The following KCTD8 variants were observed in gnomAD, a reference collection of about 807,000 sequenced individuals.
The protein encoded by KCTD8 is potassium channel tetramerization domain containing 8, also known as BTB/POZ domain-containing protein KCTD8.
KCTD8 carries 27 observed loss-of-function variants against 31.5 expected under a neutral mutation model. The ratio of observed to expected loss-of-function variants is 0.86; its 90% CI spans 0.63 to 1.18. KCTD8 has a LOEUF of 1.18. Ranked by LOEUF, KCTD8 falls within the 50% of genes most tolerant of loss-of-function variation. KCTD8 has a pLI of 0.00. For missense variants in KCTD8, 658 were observed against 647.7 expected (o/e 1.02, Z -0.17); for synonymous variants, 290 against 280.0 (o/e 1.04, Z -0.36).
intron 1 of KCTD8, among the ~76,000 whole-genome samples, chr4:44,266,889 T>C (rs1716388323): frequency 2.6e-5 from 4 of 151,518 alleles, no homozygotes; most frequent in Admixed American, 2.6e-4. Context: ...CCCAGATTCA[T>C]AAAGCAAGTC....
chr4:44,254,488 G>T (rs1715936908), intron 1 of KCTD8, among the ~76,000 whole-genome samples: 1 of 151,854 alleles, frequency 6.6e-6, no homozygotes. Flanking sequence ...CTTGACCAAA[G>T]GTCTTTGCTG....
intron 1 of KCTD8, among the ~76,000 whole-genome samples, chr4:44,280,092 A>T (rs1716863082): frequency 6.6e-6 from 1 of 152,076 alleles, no homozygotes; most frequent in Admixed American, 6.6e-5. Flanking sequence ...AATTTATATA[A>T]TTCCTAATCT....
intron 1 of KCTD8, among the ~76,000 whole-genome samples, chr4:44,216,934 A>T (rs75109833): frequency 0.031 from 4,666 of 152,324 alleles, 243 homozygotes; most frequent in African/African-American, 0.11. Flanking sequence ...CTTGGTCTAA[A>T]GATAAAGTGA....
intron 1 of KCTD8, among the ~76,000 whole-genome samples, chr4:44,293,208 G>T (rs1209548050): frequency 6.6e-6 from 1 of 152,024 alleles, no homozygotes; most frequent in Non-Finnish European, 1.5e-5. Flanking sequence ...CCCATAAGCT[G>T]CAGTTGTCTT....
intron 1 of KCTD8, among the ~76,000 whole-genome samples, chr4:44,224,479 C>T (rs1714893192): frequency 6.6e-6 from 1 of 152,152 alleles, no homozygotes; most frequent in Non-Finnish European, 1.5e-5. Context: ...TGATATCCAT[C>T]TGCGTTTGTT....
chr4:44,179,689 T>C (rs951420928), intron 1 of KCTD8, among the ~76,000 whole-genome samples: 2 of 151,380 alleles, frequency 1.3e-5, no homozygotes, highest in African/African-American at 4.8e-5. Context: ...AATAGAATAA[T>C]ATGACTGCTC....
chr4:44,185,631 G>A (rs897767291), intron 1 of KCTD8, among the ~76,000 whole-genome samples: 1 of 152,116 alleles, frequency 6.6e-6, no homozygotes. Context: ...TCTCTGGACT[G>A]CATTCTTTTC....
intron 1 of KCTD8, chr4:44,293,360 A>G (rs763919616): frequency 1.2e-5 from 5 of 417,390 alleles, no homozygotes; most frequent in Non-Finnish European, 2.3e-5. Context: ...ATTTAAAACC[A>G]GATTAATTTA....
chr4:44,433,521 T>C (rs1234609698), intron 1 of KCTD8, among the ~76,000 whole-genome samples: 2 of 151,828 alleles, frequency 1.3e-5, no homozygotes, highest in Admixed American at 6.6e-5. Flanking sequence ...GTCTGCATTT[T>C]ACACTCCCAA....
rs557968835 is a variant in KCTD8 at position 44,447,497 on chromosome 4, G to A, written c.961+66C>T. On this transcript the variant is annotated intron_variant, in intron 1 of 1. Coordinates refer to ENST00000360029, the MANE Select transcript of KCTD8 (RefSeq NM_198353.3). ...ACACCCCCGCGGGGCCTCCAGCGGG[G>A]CTCAAACTGGCGGCGGCTCAGCAGG... The A allele has an allele frequency of 6.8e-5, 98 of 1,449,548 alleles. 1 individual carries two copies. The East Asian group carries it at 2.1e-3, about 30-fold the overall frequency. 89.8% of individuals were successfully genotyped at this position (1,449,548 alleles called of 1,614,324 possible).
intron 1 of KCTD8, among the ~76,000 whole-genome samples, chr4:44,286,256 C>T (rs1354841116): frequency 6.6e-6 from 1 of 152,072 alleles, no homozygotes; most frequent in Non-Finnish European, 1.5e-5. Context: ...GAACTCCAGG[C>T]TCATATATCC....
chr4:44,365,518 A>G (rs1719608282), intron 1 of KCTD8, among the ~76,000 whole-genome samples: 1 of 152,188 alleles, frequency 6.6e-6, no homozygotes, highest in African/African-American at 2.4e-5. Context: ...AAATGTTGAG[A>G]ACAATGACAT....
At chr4:44,422,162 T>C (rs1721228556) in intron 1 of KCTD8, among the ~76,000 whole-genome samples, 1 of 152,148 alleles carries the variant, frequency 6.6e-6, no homozygotes, top group Non-Finnish European at 1.5e-5. Flanking sequence ...TTACCAGCCA[T>C]TTGGTTGCTT....
At chr4:44,353,042 T>G (rs557147182) in intron 1 of KCTD8, among the ~76,000 whole-genome samples, 1 of 152,150 alleles carries the variant, frequency 6.6e-6, no homozygotes, top group Non-Finnish European at 1.5e-5. Context: ...AATATCTACA[T>G]GTAAGTGGTG....
chr4:44,308,254 T>A (rs577966935), intron 1 of KCTD8, among the ~76,000 whole-genome samples: 1 of 152,124 alleles, frequency 6.6e-6, no homozygotes, highest in African/African-American at 2.4e-5. Flanking sequence ...ATCGATATAG[T>A]ATAATCAATC....
At chr4:44,235,578 TAG>T (rs371875444) in intron 1 of KCTD8, among the ~76,000 whole-genome samples, 925 of 63,556 alleles carry the variant, frequency 0.015, 36 homozygotes, top group Non-Finnish European at 0.018. Flanking sequence ...TATATATATT[TAG>T]AGAGAGAGAG....
chr4:44,263,993 C>A (rs1370814873), intron 1 of KCTD8, among the ~76,000 whole-genome samples: 2 of 152,190 alleles, frequency 1.3e-5, no homozygotes, highest in African/African-American at 4.8e-5. Flanking sequence ...TTGACTGTGC[C>A]TCAATAACTT....
intron 1 of KCTD8, among the ~76,000 whole-genome samples, chr4:44,328,470 G>A (rs573919045): frequency 2.6e-5 from 4 of 151,846 alleles, no homozygotes; most frequent in Admixed American, 6.6e-5. Flanking sequence ...CAATCCCAAC[G>A]GCTCTACCAC....
Position 44,198,814 on chromosome 4 carries a change from C to T in KCTD8, c.962-23564G>A, listed in dbSNP as rs148307926. On this transcript the variant is annotated intron_variant, in intron 1 of 1. Coordinates refer to ENST00000360029, the MANE Select transcript of KCTD8 (RefSeq NM_198353.3). Reference sequence around the variant, plus strand: ...TCAAAATATCACATATCAATACTAACCCTGAATACCAATGATCCAAATGCC... The same window carrying T: ...TCAAAATATCACATATCAATACTAATCCTGAATACCAATGATCCAAATGCC... Among the ~76,000 whole-genome samples, 57 of 152,164 alleles carry T rather than the reference C, an allele frequency of 3.7e-4. 1 individual carries two copies. Among genetic ancestry groups the T allele is most frequent in the Non-Finnish European group, 6.8e-4 (46 of 67,986 alleles).
Sources: gnomAD v4.1 joint callset for allele counts (sites outside exome capture counted in the v4.1 genomes callset) on GRCh38, gnomAD v4.1.1 for gene constraint, MANE v1.5 for transcripts, NCBI Gene and HGNC (gene_info 2026-07-23, HGNC 2026-07-21) for gene names.